The following CRB1 variants were observed in gnomAD, a reference collection of about 807,000 sequenced individuals.
The protein encoded by CRB1 is crumbs cell polarity complex component 1.
CRB1 carries 83 observed loss-of-function variants against 120.0 expected under a neutral mutation model. The observed-to-expected ratio is 0.69, with a 90% CI of 0.58 to 0.83. The LOEUF (loss-of-function observed/expected upper bound fraction) is 0.83. CRB1 is among the 40% of genes least tolerant of loss of function. The pLI, the probability that CRB1 is intolerant of heterozygous loss-of-function variation, is 0.00. For synonymous variants in CRB1, 625 were observed against 612.5 expected, an observed-to-expected ratio of 1.02 and a Z score of -0.30; for missense variants, 1,699 against 1,687.6, an observed-to-expected ratio of 1.01 and a Z score of -0.12.
the CRB1 span, among the ~76,000 whole-genome samples, chr1:197,248,202 T>C: frequency 6.4e-4 from 98 of 152,142 alleles, no homozygotes; most frequent in Non-Finnish European, 1.0e-3. Context: ...AGGTTTGTGA[T>C]TGGACAAAAC....
intron 1 of CRB1, among the ~76,000 whole-genome samples, chr1:197,273,353 A>T (rs1415108863): frequency 6.6e-6 from 1 of 152,112 alleles, no homozygotes; most frequent in East Asian, 1.9e-4. Flanking sequence ...TACAATCAAC[A>T]TGATATGTGA....
At chr1:197,326,575 G>A (rs1658503154) in intron 1 of CRB1, among the ~76,000 whole-genome samples, 1 of 152,016 alleles carries the variant, frequency 6.6e-6, no homozygotes, top group South Asian at 2.1e-4. Context: ...AGGTTGCAGT[G>A]AGCTGAGATC....
At chr1:197,261,086 CT>C in the CRB1 span, among the ~76,000 whole-genome samples, 1 of 152,050 alleles carries the variant, frequency 6.6e-6, no homozygotes, top group African/African-American at 2.4e-5. Flanking sequence ...CTAAAAGAGG[CT>C]CAATTTTTCT....
chr1:197,394,714 G>A (rs935714155), intron 5 of CRB1, among the ~76,000 whole-genome samples: 34 of 151,844 alleles, frequency 2.2e-4, no homozygotes, highest in African/African-American at 7.2e-4. Context: ...TCTGATTTCA[G>A]TTTTATTAAA....
chr1:197,398,950 G>T (rs530636145), intron 5 of CRB1, among the ~76,000 whole-genome samples: 37 of 149,644 alleles, frequency 2.5e-4, no homozygotes, highest in Non-Finnish European at 4.9e-4. Flanking sequence ...TGCAGATATA[G>T]ACTATATATG....
At chr1:197,405,667 TGGGGAGCGC>T (rs1663331017) in intron 5 of CRB1, among the ~76,000 whole-genome samples, 1 of 143,292 alleles carries the variant, frequency 7.0e-6, no homozygotes. Flanking sequence ...GTCTGAGATG[TGGGGAGCGC>T]CTCTGCCCTG....
intron 5 of CRB1, among the ~76,000 whole-genome samples, chr1:197,391,919 G>A (rs1230246915): frequency 6.6e-6 from 1 of 152,074 alleles, no homozygotes; most frequent in Non-Finnish European, 1.5e-5. Flanking sequence ...GTCTCGATGT[G>A]GTAGGAGATC....
At position 197,434,641 on chromosome 1, in the gene CRB1, T is replaced by A. The variant is rs1665034845; in HGVS notation, c.2843-65T>A. 3.0e-6 allele frequency: 4 copies of A among 1,352,398 alleles called. No individual in the cohort carries two copies. The East Asian group carries it at 9.3e-5, about 31-fold the overall frequency. The allele number at this position is 1,352,398 out of a possible 1,614,324, so 83.8% of individuals were successfully genotyped here. A position where few individuals can be genotyped will look rare whatever the true frequency, so the allele number is the denominator to read the frequency against. ...TTAACACAATGATCATTACTATTAA[T>A]AACGGTAATTAAGCAAACTATAGAT... On this transcript the variant is annotated intron_variant, in intron 8 of 11. Transcript: ENST00000367400.
chr1:197,395,958 A>G (rs1662748165), intron 5 of CRB1, among the ~76,000 whole-genome samples: 1 of 152,152 alleles, frequency 6.6e-6, no homozygotes. Flanking sequence ...CATTCTTACC[A>G]CTTCTATTCT....
intron 3 of CRB1, 77 bp from the exon 4 acceptor site, chr1:197,347,263 C>G: frequency 7.5e-7 from 1 of 1,328,754 alleles, no homozygotes; most frequent in Non-Finnish European, 1.1e-6. Flanking sequence ...GGTTGATAGA[C>G]AGTTGAAGAA....
intron 11 of CRB1, among the ~76,000 whole-genome samples, chr1:197,455,552 T>C (rs1420315121): frequency 6.6e-6 from 1 of 152,146 alleles, no homozygotes; most frequent in Non-Finnish European, 1.5e-5. Flanking sequence ...ACATTGCCTT[T>C]AGGAAATGCA....
the CRB1 span, among the ~76,000 whole-genome samples, chr1:197,262,050 T>C: frequency 2.6e-5 from 4 of 152,218 alleles, no homozygotes; most frequent in African/African-American, 9.6e-5. Context: ...AGACTGCATC[T>C]GCTCACCAGA....
At chr1:197,447,849 G>A (rs1323341017) in intron 11 of CRB1, among the ~76,000 whole-genome samples, 3 of 121,298 alleles carry the variant, frequency 2.5e-5, no homozygotes, top group Non-Finnish European at 4.9e-5. Flanking sequence ...GCAAGAACCT[G>A]TCTCAAAAAA....
the CRB1 span, among the ~76,000 whole-genome samples, chr1:197,232,534 C>T: frequency 0.066 from 10,000 of 152,134 alleles, 1,115 homozygotes; most frequent in African/African-American, 0.23. Context: ...GCAAGATAGA[C>T]AGGCAGCCAA....
At chr1:197,339,456 A>G (rs532778242) in intron 2 of CRB1, among the ~76,000 whole-genome samples, 1 of 152,330 alleles carries the variant, frequency 6.6e-6, no homozygotes, top group East Asian at 1.9e-4. Flanking sequence ...CAAAAGAAAA[A>G]TATTATGCAT....
intron 1 of CRB1, among the ~76,000 whole-genome samples, chr1:197,275,088 C>G (rs1397265578): frequency 6.6e-6 from 1 of 152,104 alleles, no homozygotes; most frequent in East Asian, 1.9e-4. Context: ...CTGCATCACT[C>G]CAGTCTCTGC....
At chr1:197,375,584 T>C (rs1393352614) in intron 5 of CRB1, among the ~76,000 whole-genome samples, 1 of 152,130 alleles carries the variant, frequency 6.6e-6, no homozygotes, top group Non-Finnish European at 1.5e-5. Flanking sequence ...TCCCAACACC[T>C]ACCTATCTAT....
intron 1 of CRB1, among the ~76,000 whole-genome samples, chr1:197,269,992 A>G (rs1221780127): frequency 6.6e-6 from 1 of 152,122 alleles, no homozygotes; most frequent in African/African-American, 2.4e-5. Context: ...AAGCAGGTAG[A>G]CTTTTGTCTG....
At chr1:197,224,814 A>G in the CRB1 span, among the ~76,000 whole-genome samples, 1 of 152,080 alleles carries the variant, frequency 6.6e-6, no homozygotes, top group African/African-American at 2.4e-5. Context: ...GATTTATTTT[A>G]TTAGACTTTA....
Sources: gnomAD v4.1 joint callset for allele counts (sites outside exome capture counted in the v4.1 genomes callset) on GRCh38, gnomAD v4.1.1 for gene constraint, MANE v1.5 for transcripts, NCBI Gene and HGNC (gene_info 2026-07-23, HGNC 2026-07-21) for gene names.